NBAS: variants seen among roughly 807,000 people sequenced by gnomAD.
The protein encoded by NBAS is NBAS subunit of NRZ tethering complex.
A neutral mutation model predicts 302.5 loss-of-function variants in NBAS; 219 were observed. The ratio of observed to expected loss-of-function variants is 0.72; its 90% CI spans 0.65 to 0.81. The LOEUF (loss-of-function observed/expected upper bound fraction) is 0.81. Among genes scored for constraint, NBAS ranks in the 30% least tolerant of loss-of-function variants. The probability of loss-of-function intolerance (pLI) is 0.00; values close to 1 mark genes in which losing one functional copy is unlikely to be tolerated. For synonymous variants in NBAS, 1,118 were observed against 1,021.6 expected, an observed-to-expected ratio of 1.09 and a Z score of -1.80; for missense variants, 2,932 against 2,841.6, an observed-to-expected ratio of 1.03 and a Z score of -0.72.
chr2:15,424,910 CG>C lies in NBAS; in HGVS notation c.2424-443del, dbSNP rs1457270538. Among the ~76,000 whole-genome samples, 6 of 152,126 alleles carry C rather than the reference CG, an allele frequency of 3.9e-5. No homozygotes were observed. In the East Asian group the frequency reaches 1.2e-3, roughly 29 times the overall value. Reference sequence around the variant, plus strand: ...AATTTGAATTAAGAAATCTTGTTTTCGATGTTCATAAAAATAAGAGGAAATA... The same window carrying C: ...AATTTGAATTAAGAAATCTTGTTTTCATGTTCATAAAAATAAGAGGAAATA... On this transcript the variant is annotated intron_variant, in intron 22 of 51. Coordinates refer to ENST00000281513, the MANE Select transcript of NBAS (RefSeq NM_015909.4).
At chr2:14,840,980 TAA>T in the NBAS span, among the ~76,000 whole-genome samples, 2 of 151,980 alleles carry the variant, frequency 1.3e-5, no homozygotes, top group Non-Finnish European at 2.9e-5. Context: ...AGCAACATGT[TAA>T]GTGATAGGCA....
chr2:15,366,558 G>A (rs948590107), intron 32 of NBAS, 22 bp downstream of exon 32: 20 of 1,584,930 alleles, frequency 1.3e-5, no homozygotes, highest in Non-Finnish European at 1.7e-5. Context: ...TTATTCTGCA[G>A]TTTAGTACTC....
At chr2:15,243,068 C>T (rs549785190) in intron 44 of NBAS, among the ~76,000 whole-genome samples, 1 of 152,248 alleles carries the variant, frequency 6.6e-6, no homozygotes, top group East Asian at 1.9e-4. Flanking sequence ...CTAACCACTT[C>T]CTACCACCTT....
At chr2:15,365,535 C>G (rs1183164021) in intron 32 of NBAS, among the ~76,000 whole-genome samples, 1 of 152,184 alleles carries the variant, frequency 6.6e-6, no homozygotes, top group African/African-American at 2.4e-5. Flanking sequence ...AGAACTTGAA[C>G]CAGTGTTCTG....
chr2:15,046,257 G>A, the NBAS span, among the ~76,000 whole-genome samples: 1 of 152,052 alleles, frequency 6.6e-6, no homozygotes, highest in Non-Finnish European at 1.5e-5. Context: ...TGTTTTCATA[G>A]CTAATTTTTA....
intron 9 of NBAS, among the ~76,000 whole-genome samples, chr2:15,530,956 T>G (rs1233934874): frequency 6.6e-6 from 1 of 151,846 alleles, no homozygotes; most frequent in East Asian, 1.9e-4. Context: ...GAAAGAAACA[T>G]GGATTTTATA....
chr2:15,139,185 T>C, the NBAS span, among the ~76,000 whole-genome samples: 1 of 152,224 alleles, frequency 6.6e-6, no homozygotes, highest in Non-Finnish European at 1.5e-5. Flanking sequence ...AATTTACTTT[T>C]TTCCTTTGAA....
rs546116983 is a variant in NBAS at position 15,475,813 on chromosome 2, T to G, written c.1215A>C (p.Arg405=). The stretch of plus-strand genomic sequence containing the variant: ...ATGAAACAGTTAAAGCACCAGAGCA[T>G]CGAGCTAAAGTCACTGCACTGTCTG... ...WWADSAVTLA[R]CSGALTVSSV... Residue 405 remains arginine, a synonymous_variant, in exon 14 of 52, where the codon CGA becomes CGC. Coordinates refer to ENST00000281513, the MANE Select transcript of NBAS (RefSeq NM_015909.4). 5 of 1,613,990 alleles carry G rather than the reference T, an allele frequency of 3.1e-6. No individual in the cohort carries two copies. The Admixed American group carries it at 6.7e-5, about 22-fold the overall frequency.
At chr2:15,393,301 A>G (rs1402668346) in intron 28 of NBAS, among the ~76,000 whole-genome samples, 1 of 152,094 alleles carries the variant, frequency 6.6e-6, no homozygotes, top group Non-Finnish European at 1.5e-5. Flanking sequence ...CAAAGCATAT[A>G]TCTAATAAAA....
chr2:15,129,206 T>C, the NBAS span, among the ~76,000 whole-genome samples: 1 of 152,254 alleles, frequency 6.6e-6, no homozygotes, highest in Non-Finnish European at 1.5e-5. Flanking sequence ...TAAGGGTGCT[T>C]GCATGGGAAG....
At chr2:14,916,878 T>C in the NBAS span, among the ~76,000 whole-genome samples, 1 of 152,194 alleles carries the variant, frequency 6.6e-6, no homozygotes, top group Admixed American at 6.5e-5. Flanking sequence ...AGGCCTATTC[T>C]CAACTCCCTG....
At chr2:15,127,870 C>A in the NBAS span, among the ~76,000 whole-genome samples, 1 of 152,086 alleles carries the variant, frequency 6.6e-6, no homozygotes, top group Non-Finnish European at 1.5e-5. Flanking sequence ...AGCCCCTGAC[C>A]CCCAACCCAG....
chr2:14,912,972 G>T, the NBAS span, among the ~76,000 whole-genome samples: 1 of 152,084 alleles, frequency 6.6e-6, no homozygotes, highest in African/African-American at 2.4e-5. Flanking sequence ...AAGTTTCTTC[G>T]GAAATCAGGT....
chr2:15,531,471 T>C (rs1663212214), intron 9 of NBAS, among the ~76,000 whole-genome samples: 1 of 152,178 alleles, frequency 6.6e-6, no homozygotes, highest in Non-Finnish European at 1.5e-5. Context: ...AAAGGAGGTT[T>C]ACACTATGGG....
the NBAS span, among the ~76,000 whole-genome samples, chr2:14,875,067 T>A: frequency 2.0e-5 from 3 of 152,008 alleles, no homozygotes; most frequent in Non-Finnish European, 4.4e-5. Context: ...TTAATGGTAA[T>A]AGATAATACA....
intron 21 of NBAS, among the ~76,000 whole-genome samples, chr2:15,458,094 T>A (rs1475445355): frequency 6.6e-6 from 1 of 152,154 alleles, no homozygotes; most frequent in African/African-American, 2.4e-5. Context: ...GATCTGAACA[T>A]AAGGAAGAGA....
downstream of NBAS, among the ~76,000 whole-genome samples, chr2:15,163,223 G>T (rs1415205486): frequency 2.0e-5 from 3 of 152,234 alleles, no homozygotes; most frequent in Non-Finnish European, 2.9e-5. Context: ...GAGAAGTGGA[G>T]TTGAGAGATC....
the NBAS span, among the ~76,000 whole-genome samples, chr2:14,957,546 T>C: frequency 6.6e-6 from 1 of 152,186 alleles, no homozygotes; most frequent in African/African-American, 2.4e-5. Flanking sequence ...AATTTTAACA[T>C]TGCATGAATT....
At chr2:15,386,782 C>G (rs1371675354) in intron 28 of NBAS, among the ~76,000 whole-genome samples, 1 of 152,178 alleles carries the variant, frequency 6.6e-6, no homozygotes, top group East Asian at 1.9e-4. Flanking sequence ...ACTGAAATGT[C>G]TTTCAACTCT....
Sources: allele counts gnomAD v4.1 joint callset (sites outside exome capture counted in the v4.1 genomes callset), GRCh38; gene constraint gnomAD v4.1.1; transcripts MANE v1.5; gene names NCBI Gene and HGNC (gene_info 2026-07-23, HGNC 2026-07-21).